Variants in TRAPPC9 observed in about 807,000 individuals in gnomAD.
TRAPPC9 encodes trafficking protein particle complex subunit 9.
A neutral mutation model predicts 124.0 loss-of-function variants in TRAPPC9; 83 were observed. The ratio of observed to expected loss-of-function variants is 0.67; its 90% CI spans 0.56 to 0.80. TRAPPC9 has a LOEUF of 0.80. Among genes scored for constraint, TRAPPC9 ranks in the 30% least tolerant of loss-of-function variants. The pLI is 0.00. For synonymous variants in TRAPPC9, 638 were observed against 617.5 expected (o/e 1.03, Z -0.49); for missense variants, 1,302 against 1,508.3 (o/e 0.86, Z 2.27).
At chr8:140,166,610 C>T (rs1205541850) in intron 17 of TRAPPC9, among the ~76,000 whole-genome samples, 5 of 152,198 alleles carry the variant, frequency 3.3e-5, no homozygotes, top group African/African-American at 1.2e-4. Context: ...CAGGGTCTGG[C>T]AACATGTGTG....
chr8:139,898,408 C>G (rs1830799980), intron 20 of TRAPPC9, among the ~76,000 whole-genome samples: 1 of 152,218 alleles, frequency 6.6e-6, no homozygotes, highest in South Asian at 2.1e-4. Context: ...TACAAGTCAA[C>G]TGAATGAATG....
At chr8:139,744,913 T>C (rs1298848746) in intron 21 of TRAPPC9, among the ~76,000 whole-genome samples, 1 of 152,214 alleles carries the variant, frequency 6.6e-6, no homozygotes, top group African/African-American at 2.4e-5. Context: ...CCTGTACAGC[T>C]TGGAGTTCTC....
intron 21 of TRAPPC9, among the ~76,000 whole-genome samples, chr8:139,865,974 G>C (rs541722281): frequency 1.9e-4 from 29 of 151,860 alleles, no homozygotes; most frequent in Non-Finnish European, 8.8e-5. Context: ...GAAATACATC[G>C]GTTCGGTCCA....
chr8:139,905,862 A>G (rs1050358080), intron 20 of TRAPPC9, among the ~76,000 whole-genome samples: 7 of 152,074 alleles, frequency 4.6e-5, no homozygotes, highest in Admixed American at 4.6e-4. Flanking sequence ...TGGGAGGCCG[A>G]GGCGGGCGGA....
intron 21 of TRAPPC9, among the ~76,000 whole-genome samples, chr8:139,817,394 C>A (rs1001928849): frequency 6.6e-6 from 1 of 152,116 alleles, no homozygotes; most frequent in South Asian, 2.1e-4. Context: ...GTTCCTTTTT[C>A]CTTGAAAACT....
chr8:140,102,314 G>A (rs1015941989), intron 17 of TRAPPC9, among the ~76,000 whole-genome samples: 1 of 152,194 alleles, frequency 6.6e-6, no homozygotes, highest in Non-Finnish European at 1.5e-5. Flanking sequence ...AGGTGGAAAT[G>A]AAAGAAAGAG....
chr8:140,191,396 G>A (rs1448266167), intron 17 of TRAPPC9, among the ~76,000 whole-genome samples: 1 of 152,184 alleles, frequency 6.6e-6, no homozygotes, highest in Non-Finnish European at 1.5e-5. Flanking sequence ...GTAATCCCCG[G>A]TATTGGAGGT....
At chr8:140,294,259 G>A (rs2065743791) in intron 11 of TRAPPC9, among the ~76,000 whole-genome samples, 2 of 152,010 alleles carry the variant, frequency 1.3e-5, no homozygotes. Flanking sequence ...TTCAATGGGA[G>A]GGAGCTCACC....
intron 17 of TRAPPC9, among the ~76,000 whole-genome samples, chr8:140,175,273 T>C (rs778642409): frequency 7.1e-4 from 108 of 151,806 alleles, no homozygotes; most frequent in Non-Finnish European, 1.2e-3. Flanking sequence ...GGTTTTTGAA[T>C]TATGAACCTC....
At chr8:140,113,304 G>A (rs6984803) in intron 17 of TRAPPC9, among the ~76,000 whole-genome samples, 85,436 of 152,106 alleles carry the variant, frequency 0.56, 25,044 homozygotes, top group East Asian at 0.84. Flanking sequence ...GCTGAAGCCC[G>A]CTCTCAAACT....
intron 21 of TRAPPC9, among the ~76,000 whole-genome samples, chr8:139,830,985 G>A (rs534729435): frequency 6.6e-6 from 1 of 152,384 alleles, no homozygotes; most frequent in South Asian, 2.1e-4. Context: ...CCTGCACACA[G>A]CCTGTGCCGA....
chr8:139,797,058 T>C (rs1823150756), intron 21 of TRAPPC9, among the ~76,000 whole-genome samples: 1 of 152,240 alleles, frequency 6.6e-6, no homozygotes, highest in African/African-American at 2.4e-5. Context: ...TTGAAAAAAT[T>C]TCTATTCAAG....
chr8:140,327,146 G>A (rs969328830), intron 9 of TRAPPC9, among the ~76,000 whole-genome samples: 2 of 151,964 alleles, frequency 1.3e-5, no homozygotes. Flanking sequence ...CCAGCTACTC[G>A]GGAGACTGAG....
At chr8:140,277,207 C>A (rs1305484328) in intron 14 of TRAPPC9, among the ~76,000 whole-genome samples, 1 of 152,218 alleles carries the variant, frequency 6.6e-6, no homozygotes, top group Non-Finnish European at 1.5e-5. Flanking sequence ...GCTCATGGTG[C>A]CGGGCACGTG....
chr8:140,331,266 G>C (rs1028054558), intron 9 of TRAPPC9, among the ~76,000 whole-genome samples: 2 of 152,088 alleles, frequency 1.3e-5, no homozygotes, highest in African/African-American at 4.8e-5. Flanking sequence ...CTGGATATAA[G>C]TATGCAGAAG....
At chr8:140,422,202 G>C (rs558738525) in intron 5 of TRAPPC9, among the ~76,000 whole-genome samples, 1 of 151,492 alleles carries the variant, frequency 6.6e-6, no homozygotes, top group East Asian at 1.9e-4. Flanking sequence ...TTATAGACTA[G>C]GGATAACAAC....
intron 17 of TRAPPC9, among the ~76,000 whole-genome samples, chr8:140,051,397 C>A (rs1841992193): frequency 6.6e-6 from 1 of 152,158 alleles, no homozygotes; most frequent in Non-Finnish European, 1.5e-5. Flanking sequence ...GAACCCTCAA[C>A]CCTGGATTCA....
chr8:140,308,886 A>G (rs1588132142), intron 10 of TRAPPC9, among the ~76,000 whole-genome samples: 3 of 152,182 alleles, frequency 2.0e-5, no homozygotes, highest in South Asian at 2.1e-4. Flanking sequence ...AACTCAAAAA[A>G]AAAAAAGAAA....
intron 5 of TRAPPC9, among the ~76,000 whole-genome samples, chr8:140,420,653 G>C (rs13277759): frequency 0.26 from 39,356 of 151,266 alleles, 5,952 homozygotes; most frequent in East Asian, 0.41. Context: ...GTGCAGGTTT[G>C]TTACATGTAT....
Sources: allele counts gnomAD v4.1 joint callset (sites outside exome capture counted in the v4.1 genomes callset), GRCh38; gene constraint gnomAD v4.1.1; transcripts MANE v1.5; gene names NCBI Gene and HGNC (gene_info 2026-07-23, HGNC 2026-07-21).